Variants in SAP30BP observed in about 807,000 individuals in gnomAD.
SAP30BP encodes the protein SAP30 binding protein.
In SAP30BP, 31 loss-of-function variants were observed where a neutral mutation model predicts 46.3. The ratio of observed to expected loss-of-function variants is 0.67; its 90% CI spans 0.50 to 0.90. The LOEUF is 0.90. Ranked by LOEUF, SAP30BP falls within the 40% of genes least tolerant of loss-of-function variation. The pLI is 0.00. For synonymous variants in SAP30BP, 169 were observed against 144.2 expected (o/e 1.17, Z -1.23); for missense variants, 312 against 391.0 (o/e 0.80, Z 1.70).
At chr17:75,703,042 T>C (rs2060437905) in intron 6 of SAP30BP, 6 of 505,692 alleles carry the variant, frequency 1.2e-5, no homozygotes. Flanking sequence ...CTTGTGTGGG[T>C]CTGAGTGTGG....
intron 7 of SAP30BP, 163 bp from the exon 8 acceptor site, chr17:75,703,645 G>A: frequency 1.4e-6 from 1 of 706,630 alleles, no homozygotes; most frequent in East Asian, 2.6e-5. Flanking sequence ...GTGCTCCCAT[G>A]TTCTTCAGCA....
At chr17:75,682,764 C>G (rs1337108592) in intron 3 of SAP30BP, among the ~76,000 whole-genome samples, 1 of 148,506 alleles carries the variant, frequency 6.7e-6, no homozygotes, top group Admixed American at 6.7e-5. Context: ...GATATCAAGA[C>G]CATCCTGGCC....
At chr17:75,686,761 C>T (rs1466198229) in intron 3 of SAP30BP, among the ~76,000 whole-genome samples, 1 of 152,194 alleles carries the variant, frequency 6.6e-6, no homozygotes, top group Non-Finnish European at 1.5e-5. Context: ...TGGGCTTTCT[C>T]CAGGGCTCTC....
At chr17:75,689,763 C>T (rs527550856) in intron 3 of SAP30BP, among the ~76,000 whole-genome samples, 48 of 152,266 alleles carry the variant, frequency 3.2e-4, no homozygotes, top group African/African-American at 1.0e-3. Context: ...TTTCTTGTTG[C>T]TTTTTGCTTG....
At chr17:75,693,175 C>T (rs894336091) in intron 3 of SAP30BP, 2 of 451,928 alleles carry the variant, frequency 4.4e-6, no homozygotes, top group East Asian at 4.1e-5. Context: ...TTGTGTTCTC[C>T]TCAGCGATGG....
rs1354623874 is a variant in SAP30BP, at chr17:75,706,213, C to T, written c.745+121C>T. 6.4e-5 allele frequency: 99 copies of T among 1,554,292 alleles called. 1 individual carries two copies. The Admixed American group carries it at 1.7e-3, about 27-fold the overall frequency. On this transcript the variant is annotated intron_variant, in intron 10 of 10. Transcript: ENST00000584667. The surrounding 1 kb of genome is among the most constrained non-coding windows in gnomAD (Gnocchi z 4.6). ...GGCTCAGCCTTGCTACTTTGAGAAGCACCTTTGGAGTCTGGGGTGGGCCAC... is the reference window on the plus strand; with the variant it reads ...GGCTCAGCCTTGCTACTTTGAGAAGTACCTTTGGAGTCTGGGGTGGGCCAC...
chr17:75,706,535 C>T lies in SAP30BP; in HGVS notation c.*14C>T. 1.2e-6 allele frequency: 2 copies of T among 1,612,890 alleles called. No homozygotes were observed. Among genetic ancestry groups the T allele is most frequent in the Non-Finnish European group, 8.5e-7 (1 of 1,179,232 alleles). Reference sequence around the variant, plus strand: ...GCCAAGCAGTGACCTGAGGGGCCACCCTAGGACTTGAAAGGACCGTGCAGC... The same window carrying T: ...GCCAAGCAGTGACCTGAGGGGCCACTCTAGGACTTGAAAGGACCGTGCAGC... On this transcript the variant is annotated 3_prime_UTR_variant, in exon 11 of 11. Coordinates refer to ENST00000584667, the MANE Select transcript of SAP30BP (RefSeq NM_013260.8). This position sits in a 1 kb window ranked among gnomAD's most constrained non-coding sequence, Gnocchi z 4.6.
intron 3 of SAP30BP, among the ~76,000 whole-genome samples, chr17:75,682,834 G>A (rs986611859): frequency 3.3e-5 from 5 of 151,082 alleles, no homozygotes; most frequent in Admixed American, 1.3e-4. Flanking sequence ...ATGGTGGCAC[G>A]TGCCTGTAAT....
At chr17:75,668,009 G>A (rs182143621) in intron 1 of SAP30BP, 123 of 158,678 alleles carry the variant, frequency 7.8e-4, no homozygotes, top group Admixed American at 1.7e-3. Flanking sequence ...TTCTTATTTT[G>A]TGAGTTTTTA....
chr17:75,668,719 C>T (rs747789266), intron 2 of SAP30BP, 94 bp downstream of exon 2: 47 of 779,550 alleles, frequency 6.0e-5, no homozygotes, highest in Non-Finnish European at 8.6e-5. Context: ...TCATGGTTAG[C>T]TCCATCCCTT....
At chr17:75,696,443 C>G (rs2060320525) in intron 4 of SAP30BP, among the ~76,000 whole-genome samples, 1 of 151,272 alleles carries the variant, frequency 6.6e-6, no homozygotes, top group Non-Finnish European at 1.5e-5. Context: ...ACCCGGGAGG[C>G]TGAGGCAAGA....
chr17:75,698,704 C>T (rs2060359356), intron 4 of SAP30BP, among the ~76,000 whole-genome samples: 1 of 152,194 alleles, frequency 6.6e-6, no homozygotes, highest in African/African-American at 2.4e-5. Flanking sequence ...ATGTTGTGAG[C>T]CTATTGTGTA....
chr17:75,667,468 C>T lies in SAP30BP; in HGVS notation c.96C>T (p.Gly32=). 6.2e-7 allele frequency: 1 copy of T among 1,614,074 alleles called. No individual in the cohort carries two copies. The highest frequency in any genetic ancestry group is 8.5e-7 in the Non-Finnish European group (1 of 1,179,996). ...SDGEAGIEAV[G]SAAEEKGGLV... ...GCGAGGCTGGAATCGAGGCGGTGGG[C>T]AGCGCGGCTGGTAAGGCCCAAGTGC... The change falls in exon 1 of 11, where the codon GGC becomes GGT. Residue 32 remains glycine, a synonymous_variant. Coordinates refer to ENST00000584667, the MANE Select transcript of SAP30BP (RefSeq NM_013260.8).
intron 4 of SAP30BP, among the ~76,000 whole-genome samples, chr17:75,697,566 A>G (rs1417471632): frequency 2.6e-5 from 4 of 152,194 alleles, no homozygotes; most frequent in Non-Finnish European, 2.9e-5. Flanking sequence ...TGATCAATGT[A>G]TCACCCAGTC....
intron 3 of SAP30BP, among the ~76,000 whole-genome samples, chr17:75,690,496 T>C (rs903730011): frequency 6.6e-6 from 1 of 152,062 alleles, no homozygotes; most frequent in African/African-American, 2.4e-5. Flanking sequence ...TCAGGTGATC[T>C]CTCCTCAGCC....
intron 9 of SAP30BP, chr17:75,705,053 G>A (rs961652989): frequency 4.8e-5 from 24 of 503,102 alleles, no homozygotes; most frequent in African/African-American, 1.6e-4. Context: ...TTTCCTCCCC[G>A]CCAATTGCAG....
At chr17:75,685,577 G>A (rs2060143907) in intron 3 of SAP30BP, among the ~76,000 whole-genome samples, 1 of 152,172 alleles carries the variant, frequency 6.6e-6, no homozygotes, top group South Asian at 2.1e-4. Flanking sequence ...TCCTCAGCTT[G>A]TCGGCCAGCC....
At chr17:75,667,714 T>C (rs962019973) in intron 1 of SAP30BP, among the ~76,000 whole-genome samples, 1 of 152,232 alleles carries the variant, frequency 6.6e-6, no homozygotes, top group South Asian at 2.1e-4. Flanking sequence ...GTGCCGGCTA[T>C]AGTGATAGAC....
chr17:75,687,949 TGTGTGTGAGAGAGA>T (rs1433309714), intron 3 of SAP30BP, among the ~76,000 whole-genome samples: 3 of 97,380 alleles, frequency 3.1e-5, no homozygotes, highest in Admixed American at 1.1e-4. Flanking sequence ...TGTGTGTGTG[TGTGTGTGAGAGAGA>T]CAGAGAGAGG....
Sources: gnomAD v4.1 joint callset for allele counts (sites outside exome capture counted in the v4.1 genomes callset) on GRCh38, gnomAD v4.1.1 for gene constraint, Gnocchi (gnomAD v3.1) non-coding constraint, MANE v1.5 for transcripts, NCBI Gene and HGNC (gene_info 2026-07-23, HGNC 2026-07-21) for gene names.